NUP58: variants seen among roughly 807,000 people sequenced by gnomAD.
NUP58 encodes the protein nucleoporin 58.
NUP58 carries 17 observed loss-of-function variants against 70.1 expected under a neutral mutation model. The ratio of observed to expected loss-of-function variants is 0.24; its 90% CI spans 0.17 to 0.36. The LOEUF (loss-of-function observed/expected upper bound fraction) is 0.36. Ranked by LOEUF, NUP58 falls within the 10% of genes least tolerant of loss-of-function variation. The probability of loss-of-function intolerance (pLI) is 1.00; values close to 1 mark genes in which losing one functional copy is unlikely to be tolerated. For missense variants in NUP58, 644 were observed against 701.5 expected, an observed-to-expected ratio of 0.92 and a Z score of 0.93; for synonymous variants, 275 against 257.6, an observed-to-expected ratio of 1.07 and a Z score of -0.65.
chr13:25,335,270 T>C (rs2031740723), intron 13 of NUP58: 6 of 985,352 alleles, frequency 6.1e-6, no homozygotes, highest in Non-Finnish European at 7.2e-6. Flanking sequence ...AATCTTATGT[T>C]CTGTTGCTCT....
At position 25,304,492 on chromosome 13, in the gene NUP58, A is replaced by ATATATATG. The variant is rs1555253523; in HGVS notation, c.107+2619_107+2620insGTATATAT. Among the ~76,000 whole-genome samples, 63 of 90,874 alleles carry ATATATATG rather than the reference A, an allele frequency of 6.9e-4. 1 individual carries two copies. The highest frequency in any genetic ancestry group is 2.0e-3 in the African/African-American group (57 of 28,020). The allele number at this position is 90,874 out of a possible 152,430, so 59.6% of individuals were successfully genotyped here. A position where few individuals can be genotyped will look rare whatever the true frequency, so the allele number is the denominator to read the frequency against. ...TGTTGTCAAGATTATATATATATAT[A>ATATATATG]TATATATATATATATATATATATAT... On this transcript the variant is annotated intron_variant, in intron 1 of 15. Transcript: ENST00000381736.
At chr13:25,347,332 C>T (rs185569873), downstream of NUP58, among the ~76,000 whole-genome samples, 6 of 152,290 alleles carry the variant, frequency 3.9e-5, no homozygotes, top group Middle Eastern at 3.4e-3. Flanking sequence ...TACTTCTGCT[C>T]ATACCACATT....
rs1053166545 is a variant in NUP58, at chr13:25,333,596, CT to C, written c.1435+2042del. ...AATTTTACATTATCTTTTCTTTCTCCTTTTGTTTCTCTAAAGGTCTCCCAGG... is the reference window on the plus strand; with the variant it reads ...AATTTTACATTATCTTTTCTTTCTCCTTTGTTTCTCTAAAGGTCTCCCAGG... On this transcript the variant is annotated intron_variant, in intron 13 of 15. Coordinates refer to ENST00000381736, the MANE Select transcript of NUP58 (RefSeq NM_014089.4). 2.3e-5 allele frequency: 23 copies of C among 985,210 alleles called. No homozygotes were observed. The African/African-American group carries it at 4.0e-4, about 17-fold the overall frequency. 61.0% of individuals were successfully genotyped at this position (985,210 alleles called of 1,614,324 possible).
chr13:25,301,948 G>C, intron 1 of NUP58, 68 bp downstream of exon 1: 1 of 1,021,860 alleles, frequency 9.8e-7, no homozygotes, highest in East Asian at 2.7e-5. Flanking sequence ...AGCTCCCTTG[G>C]TGTCCCCATC....
At chr13:25,336,913 T>G in intron 13 of NUP58, 23 bp from the exon 14 acceptor site, 2 of 173,252 alleles carry the variant, frequency 1.2e-5, no homozygotes, top group South Asian at 3.2e-4. Context: ...TTCCCCCCCA[T>G]TTTTTTTTTT....
intron 6 of NUP58, 144 bp downstream of exon 6, chr13:25,315,611 T>G: frequency 1.7e-6 from 1 of 592,298 alleles, no homozygotes; most frequent in Non-Finnish European, 3.0e-6. Context: ...CGAATATGTA[T>G]TTTTTAATAG....
Position 25,313,611 on chromosome 13 carries a change from T to C in NUP58, c.437-3T>C. 1 of 1,489,856 alleles carries C rather than the reference T, an allele frequency of 6.7e-7. No homozygotes were observed. The highest frequency in any genetic ancestry group is 1.5e-5 in the African/African-American group (1 of 67,746). 92.3% of individuals were successfully genotyped at this position (1,489,856 alleles called of 1,614,324 possible). A position where few individuals can be genotyped will look rare whatever the true frequency, so the allele number is the denominator to read the frequency against. On this transcript the variant is annotated splice_region_variant and splice_polypyrimidine_tract_variant and intron_variant, in intron 4 of 15. Coordinates refer to ENST00000381736, the MANE Select transcript of NUP58 (RefSeq NM_014089.4). ...TGAAAGCTTACTATCTCTCTTTTTA[T>C]AGCATCCACAGGATTTACTCTAAAT... is the stretch of plus-strand genomic sequence containing the variant.
At chr13:25,320,809 A>G (rs916026120) in intron 8 of NUP58, 110 bp from the exon 9 acceptor site, 19 of 793,562 alleles carry the variant, frequency 2.4e-5, no homozygotes, top group Non-Finnish European at 3.2e-5. Flanking sequence ...CTATAGATGA[A>G]TTTTTAGTTT....
chr13:25,321,656 C>T (rs1300882477), intron 9 of NUP58, among the ~76,000 whole-genome samples: 1 of 152,194 alleles, frequency 6.6e-6, no homozygotes, highest in Non-Finnish European at 1.5e-5. Context: ...GTGGCCCAAT[C>T]CTATAATCCC....
chr13:25,336,081 C>CT, intron 13 of NUP58: 1 of 1,234,950 alleles, frequency 8.1e-7, no homozygotes, highest in South Asian at 1.5e-5. Flanking sequence ...AAAAGGATGA[C>CT]TAATCGTTCT....
chr13:25,309,131 A>G, intron 2 of NUP58, 116 bp from the exon 3 acceptor site: 2 of 744,352 alleles, frequency 2.7e-6, no homozygotes, highest in Non-Finnish European at 4.7e-6. Context: ...GTATTGTTCT[A>G]ATTAGAAGTG....
intron 6 of NUP58, chr13:25,317,757 A>G (rs943461421): frequency 1.3e-5 from 2 of 152,168 alleles, no homozygotes; most frequent in African/African-American, 4.8e-5. Context: ...TCTTAATAAA[A>G]TACAAAACAT....
downstream of NUP58, among the ~76,000 whole-genome samples, chr13:25,345,266 G>A (rs1216266509): frequency 2.6e-5 from 4 of 152,114 alleles, no homozygotes; most frequent in African/African-American, 9.7e-5. Context: ...TAATTCCAAA[G>A]CACAATATTT....
intron 6 of NUP58, among the ~76,000 whole-genome samples, chr13:25,318,054 G>T (rs1284391744): frequency 6.6e-6 from 1 of 151,882 alleles, no homozygotes; most frequent in African/African-American, 2.4e-5. Context: ...TTTTGGCCAG[G>T]CGCAGTGGCT....
chr13:25,336,134 A>G, intron 13 of NUP58: 1 of 1,310,626 alleles, frequency 7.6e-7, no homozygotes, highest in Non-Finnish European at 1.0e-6. Context: ...GAAACTTCTG[A>G]ATTGAAATCT....
chr13:25,336,404 A>G, intron 13 of NUP58: 1 of 687,332 alleles, frequency 1.5e-6, no homozygotes, highest in Non-Finnish European at 2.1e-6. Flanking sequence ...ATGAGAAATC[A>G]TGCCTAGTTT....
downstream of NUP58, among the ~76,000 whole-genome samples, chr13:25,344,022 C>T (rs1414260000): frequency 1.3e-5 from 2 of 151,944 alleles, no homozygotes; most frequent in Non-Finnish European, 2.9e-5. Context: ...AATATATACT[C>T]CTACCAGCAT....
intron 1 of NUP58, chr13:25,302,890 T>C: frequency 2.2e-6 from 1 of 448,560 alleles, no homozygotes; most frequent in Non-Finnish European, 4.5e-6. Flanking sequence ...GTTCTGATAA[T>C]GTTACTTCTG....
chr13:25,302,831 A>T, intron 1 of NUP58: 1 of 387,868 alleles, frequency 2.6e-6, no homozygotes, highest in South Asian at 1.9e-5. Flanking sequence ...CAGAAATTTG[A>T]ATTTTCATCC....
Sources: gnomAD v4.1 joint callset for allele counts (sites outside exome capture counted in the v4.1 genomes callset) on GRCh38, gnomAD v4.1.1 for gene constraint, MANE v1.5 for transcripts, NCBI Gene and HGNC (gene_info 2026-07-23, HGNC 2026-07-21) for gene names.